The following NLGN1 variants were observed in gnomAD, a reference collection of about 807,000 sequenced individuals.
The protein encoded by NLGN1 is neuroligin 1.
In NLGN1, 12 loss-of-function variants were observed where a neutral mutation model predicts 65.5. That is an observed-to-expected ratio of 0.18 (90% CI 0.12 to 0.30). The LOEUF is 0.30. Ranked by LOEUF, NLGN1 falls within the 10% of genes least tolerant of loss-of-function variation. The pLI, the probability that NLGN1 is intolerant of heterozygous loss-of-function variation, is 1.00. For synonymous variants in NLGN1, 350 were observed against 359.5 expected, an observed-to-expected ratio of 0.97 and a Z score of 0.30; for missense variants, 750 against 1,007.1, an observed-to-expected ratio of 0.74 and a Z score of 3.46.
At chr3:173,984,350 G>A (rs1048988821) in intron 4 of NLGN1, among the ~76,000 whole-genome samples, 1 of 152,138 alleles carries the variant, frequency 6.6e-6, no homozygotes, top group African/African-American at 2.4e-5. Context: ...TCTAAAATAA[G>A]AGAATGAGAC....
intron 2 of NLGN1, among the ~76,000 whole-genome samples, chr3:173,465,518 T>C (rs1459640412): frequency 6.6e-6 from 1 of 152,202 alleles, no homozygotes; most frequent in East Asian, 1.9e-4. Flanking sequence ...TAGCCAAATT[T>C]GATGTAAAGC....
intron 1 of NLGN1, among the ~76,000 whole-genome samples, chr3:173,421,440 C>T (rs1715026761): frequency 6.6e-6 from 1 of 151,490 alleles, no homozygotes; most frequent in African/African-American, 2.4e-5. Flanking sequence ...ATCCTTAGAC[C>T]CTTTTCAGTT....
At chr3:174,253,574 G>A (rs918418355) in intron 4 of NLGN1, among the ~76,000 whole-genome samples, 1 of 152,128 alleles carries the variant, frequency 6.6e-6, no homozygotes, top group Non-Finnish European at 1.5e-5. Flanking sequence ...AGCTGAAAAG[G>A]ACAGTGACTT....
At position 173,768,486 on chromosome 3, in the gene NLGN1, C is replaced by G. The variant is rs138474158; in HGVS notation, c.494-39194C>G. Among the ~76,000 whole-genome samples the G allele has an allele frequency of 1.2e-4, 19 of 152,236 alleles. No homozygotes were observed. In the East Asian group the frequency reaches 3.5e-3, roughly 28 times the overall value. On this transcript the variant is annotated intron_variant, in intron 3 of 6. Transcript: ENST00000457714. ...CTTAGGATCTTGAGATTTTTCTTCT[C>G]AAGCACACCCCTTTCATAAATGCCC...
chr3:174,293,683 GAT>G, the NLGN1 span, among the ~76,000 whole-genome samples: 18 of 151,636 alleles, frequency 1.2e-4, no homozygotes, highest in Non-Finnish European at 2.5e-4. Flanking sequence ...CAAAGGCATA[GAT>G]TCAGGGGTGA....
At chr3:174,189,887 T>C (rs1162371549) in intron 4 of NLGN1, among the ~76,000 whole-genome samples, 1 of 151,996 alleles carries the variant, frequency 6.6e-6, no homozygotes, top group African/African-American at 2.4e-5. Context: ...ATAAGGAAAT[T>C]GCAGGCCTGC....
intron 2 of NLGN1, among the ~76,000 whole-genome samples, chr3:173,490,966 G>T (rs576850435): frequency 6.6e-6 from 1 of 151,676 alleles, no homozygotes; most frequent in South Asian, 2.1e-4. Context: ...CTTTGCTGAA[G>T]TTGCTTATCA....
intron 4 of NLGN1, among the ~76,000 whole-genome samples, chr3:174,096,820 T>C (rs1250309208): frequency 6.6e-6 from 1 of 152,112 alleles, no homozygotes; most frequent in Non-Finnish European, 1.5e-5. Context: ...TCTAATGTAA[T>C]TGAACGTGTA....
chr3:173,579,829 A>G (rs149482109), intron 2 of NLGN1, among the ~76,000 whole-genome samples: 308 of 152,326 alleles, frequency 2.0e-3, no homozygotes, highest in African/African-American at 7.3e-3. Flanking sequence ...AGCACTTAAT[A>G]TGAGGTTACA....
intron 2 of NLGN1, among the ~76,000 whole-genome samples, chr3:173,458,469 C>T (rs549576538): frequency 3.3e-5 from 5 of 152,120 alleles, no homozygotes; most frequent in African/African-American, 1.2e-4. Context: ...TTCGATCCTG[C>T]CAATGATCAT....
At chr3:173,965,226 T>G (rs1242008307) in intron 4 of NLGN1, among the ~76,000 whole-genome samples, 1 of 152,172 alleles carries the variant, frequency 6.6e-6, no homozygotes, top group African/African-American at 2.4e-5. Context: ...TCCAGTTACC[T>G]TGTTGAATCC....
intron 2 of NLGN1, among the ~76,000 whole-genome samples, chr3:173,448,273 A>G (rs895212133): frequency 6.6e-5 from 10 of 152,066 alleles, no homozygotes; most frequent in African/African-American, 2.2e-4. Flanking sequence ...TAGCTTGAAG[A>G]GTTGTTGAAT....
chr3:173,647,705 T>C (rs1758499482), intron 3 of NLGN1, among the ~76,000 whole-genome samples: 1 of 152,046 alleles, frequency 6.6e-6, no homozygotes, highest in Admixed American at 6.5e-5. Context: ...ACTAAACGCC[T>C]ATATTAGAAA....
chr3:173,671,123 G>A (rs1263869393), intron 3 of NLGN1, among the ~76,000 whole-genome samples: 5 of 152,006 alleles, frequency 3.3e-5, no homozygotes, highest in Non-Finnish European at 7.4e-5. Context: ...TCATATGTTG[G>A]GCAAATAATA....
chr3:173,474,632 A>C (rs1725873055), intron 2 of NLGN1, among the ~76,000 whole-genome samples: 1 of 152,134 alleles, frequency 6.6e-6, no homozygotes, highest in Non-Finnish European at 1.5e-5. Flanking sequence ...TTCAGTATAA[A>C]ATATGCATGT....
At chr3:173,970,663 G>A (rs1716027328) in intron 4 of NLGN1, among the ~76,000 whole-genome samples, 1 of 152,130 alleles carries the variant, frequency 6.6e-6, no homozygotes, top group Admixed American at 6.5e-5. Context: ...GCTAAAAGGA[G>A]CTGCCTAAAT....
chr3:173,566,794 T>C (rs1389653319), intron 2 of NLGN1, among the ~76,000 whole-genome samples: 1 of 152,212 alleles, frequency 6.6e-6, no homozygotes, highest in Non-Finnish European at 1.5e-5. Flanking sequence ...CACTTCTTTA[T>C]CTCTAGCATT....
At chr3:174,074,227 A>G (rs1274317129) in intron 4 of NLGN1, among the ~76,000 whole-genome samples, 1 of 152,160 alleles carries the variant, frequency 6.6e-6, no homozygotes, top group African/African-American at 2.4e-5. Flanking sequence ...CTGACTCTAT[A>G]TAAATACCTA....
chr3:173,977,580 G>A (rs191841388), intron 4 of NLGN1, among the ~76,000 whole-genome samples: 14 of 152,024 alleles, frequency 9.2e-5, no homozygotes, highest in African/African-American at 3.4e-4. Flanking sequence ...GAAGACAGAG[G>A]TTCCAAGGAT....
Sources: gnomAD v4.1 joint callset for allele counts (sites outside exome capture counted in the v4.1 genomes callset) on GRCh38, gnomAD v4.1.1 for gene constraint, MANE v1.5 for transcripts, NCBI Gene and HGNC (gene_info 2026-07-23, HGNC 2026-07-21) for gene names.